The following ARHGAP42 variants were observed in gnomAD, a reference collection of about 807,000 sequenced individuals.
ARHGAP42 encodes Rho GTPase activating protein 42.
A neutral mutation model predicts 125.0 loss-of-function variants in ARHGAP42; 63 were observed. The observed-to-expected ratio is 0.50, with a 90% CI of 0.41 to 0.62. The LOEUF (loss-of-function observed/expected upper bound fraction) is 0.62, where lower values mean the gene tolerates loss of function less well. Ranked by LOEUF, ARHGAP42 falls within the 20% of genes least tolerant of loss-of-function variation. The pLI is 0.00. For missense variants in ARHGAP42, 766 were observed against 1,024.2 expected (o/e 0.75, Z 3.44); for synonymous variants, 339 against 351.0 (o/e 0.97, Z 0.38).
chr11:100,763,852 T>A (rs1296138509), intron 1 of ARHGAP42, among the ~76,000 whole-genome samples: 2 of 152,194 alleles, frequency 1.3e-5, no homozygotes, highest in Non-Finnish European at 2.9e-5. Flanking sequence ...GGTAGATTAT[T>A]CCATGTTCAG....
At chr11:100,804,268 G>T (rs553124129) in intron 3 of ARHGAP42, among the ~76,000 whole-genome samples, 1 of 152,150 alleles carries the variant, frequency 6.6e-6, no homozygotes, top group South Asian at 2.1e-4. Flanking sequence ...AGGATTGCAG[G>T]CATGAGCCAC....
intron 3 of ARHGAP42, among the ~76,000 whole-genome samples, chr11:100,844,602 GA>G (rs556144317): frequency 1.3e-4 from 19 of 146,192 alleles, no homozygotes; most frequent in Admixed American, 2.7e-4. Flanking sequence ...AAATCAACAA[GA>G]AAAAAAAAAT....
intron 2 of ARHGAP42, among the ~76,000 whole-genome samples, chr11:100,779,950 T>C (rs1044926806): frequency 7.9e-5 from 12 of 151,834 alleles, no homozygotes; most frequent in Non-Finnish European, 1.2e-4. Flanking sequence ...TGCTTGAACC[T>C]GGGAGTCAGA....
At chr11:100,956,074 G>A (rs1041231112) in intron 12 of ARHGAP42, among the ~76,000 whole-genome samples, 2 of 152,108 alleles carry the variant, frequency 1.3e-5, no homozygotes, top group Non-Finnish European at 2.9e-5. Flanking sequence ...AAGTGAAGGC[G>A]CTGTCTATAG....
At chr11:100,766,659 G>A (rs1331410170) in intron 1 of ARHGAP42, among the ~76,000 whole-genome samples, 4 of 152,148 alleles carry the variant, frequency 2.6e-5, no homozygotes, top group Non-Finnish European at 2.9e-5. Context: ...AAGATTAAAA[G>A]CATGAGCTGG....
At chr11:100,808,612 A>C in intron 3 of ARHGAP42, among the ~76,000 whole-genome samples, 1 of 150,850 alleles carries the variant, frequency 6.6e-6, no homozygotes, top group East Asian at 2.0e-4. Context: ...TCACCTTGTT[A>C]GCCAGGATGG....
rs192086876 is a variant in ARHGAP42 at position 100,878,405 on chromosome 11, C to T, written c.384+18780C>T. Reference sequence around the variant, plus strand: ...CCTCTCTGCCGAGTCACCCATTCTCCATGCGGTAGTAGGAGGGAATAGGTC... The same window carrying T: ...CCTCTCTGCCGAGTCACCCATTCTCTATGCGGTAGTAGGAGGGAATAGGTC... On this transcript the variant is annotated intron_variant, in intron 4 of 23. Transcript: ENST00000298815. 1.4e-3 allele frequency among the ~76,000 whole-genome samples: 213 copies of T among 152,278 alleles called. 3 individuals are homozygous for T. The highest frequency in any genetic ancestry group is 3.9e-3 in the African/African-American group (161 of 41,572).
rs989889722 is a variant in ARHGAP42 at position 100,961,623 on chromosome 11, A to G, written c.1301-61A>G. 9 of 1,441,676 alleles carry G rather than the reference A, an allele frequency of 6.2e-6. No individual in the cohort carries two copies. The African/African-American group carries it at 8.6e-5, about 14-fold the overall frequency. 89.3% of individuals were successfully genotyped at this position (1,441,676 alleles called of 1,614,324 possible). A position where few individuals can be genotyped will look rare whatever the true frequency, so the allele number is the denominator to read the frequency against. On this transcript the variant is annotated intron_variant, in intron 14 of 23. Transcript: ENST00000298815. ...CTACTTACGTTTGTGCCCATTTTTC[A>G]TAATTGCATAAGAAATATTTTGAAC... is the stretch of plus-strand genomic sequence containing the variant.
intron 3 of ARHGAP42, among the ~76,000 whole-genome samples, chr11:100,813,684 T>G (rs1406519120): frequency 6.6e-6 from 1 of 152,132 alleles, no homozygotes; most frequent in Non-Finnish European, 1.5e-5. Context: ...TCTCAGAAAT[T>G]TTTTGCTCTT....
intron 3 of ARHGAP42, among the ~76,000 whole-genome samples, chr11:100,805,105 A>C (rs1378936687): frequency 1.3e-5 from 2 of 152,254 alleles, no homozygotes; most frequent in Non-Finnish European, 2.9e-5. Context: ...AGCAGTCTTC[A>C]GAAGTGTATG....
At position 100,687,726 on chromosome 11, in the gene ARHGAP42, A is replaced by G. The variant is rs1195207222; in HGVS notation, c.48A>G (p.Pro16=). 5.8e-6 allele frequency: 9 copies of G among 1,549,810 alleles called. No homozygotes were observed. The African/African-American group carries it at 6.8e-5, about 12-fold the overall frequency. Reference sequence around the variant, plus strand: ...TCAGCGATTCCTACTTGGACAGCCCAGATTTCAGGGAGCGCTTGCAGTGTC... The same window carrying G: ...TCAGCGATTCCTACTTGGACAGCCCGGATTTCAGGGAGCGCTTGCAGTGTC... ...LEFSDSYLDS[P]DFRERLQCHE... is the part of the protein sequence containing the mutation. The change falls in exon 1 of 24, where the codon CCA becomes CCG. Residue 16 remains proline (P), a synonymous_variant. Transcript: ENST00000298815.
chr11:100,786,519 C>CAT (rs1225342041), intron 2 of ARHGAP42, among the ~76,000 whole-genome samples: 4 of 151,918 alleles, frequency 2.6e-5, no homozygotes, highest in South Asian at 4.2e-4. Context: ...ATACACTTAC[C>CAT]ATATATATAT....
chr11:100,843,588 A>G (rs1197249899), intron 3 of ARHGAP42, among the ~76,000 whole-genome samples: 1 of 152,134 alleles, frequency 6.6e-6, no homozygotes, highest in Admixed American at 6.6e-5. Context: ...TAGAACTGAT[A>G]AAAGAATTCA....
chr11:100,725,933 T>TAAAAAA (rs1436033446), intron 1 of ARHGAP42, among the ~76,000 whole-genome samples: 5 of 42,084 alleles, frequency 1.2e-4, no homozygotes, highest in East Asian at 6.5e-4. Flanking sequence ...AGACTCCGTC[T>TAAAAAA]CAAAAAAAAA....
chr11:100,854,720 A>C (rs907958827), intron 3 of ARHGAP42, among the ~76,000 whole-genome samples: 3 of 152,134 alleles, frequency 2.0e-5, no homozygotes. Context: ...TAAATTGGCC[A>C]GTACCAGGGA....
At position 100,857,059 on chromosome 11, in the gene ARHGAP42, G is replaced by A. The variant is rs1357105947; in HGVS notation, c.313-2495G>A. On this transcript the variant is annotated intron_variant, in intron 3 of 23. Transcript: ENST00000298815. Reference sequence around the variant, plus strand: ...ATATTGACTTTGATCTCTATATTGTGAAGACCTTAATGTAGTATTTGACGC... The same window carrying A: ...ATATTGACTTTGATCTCTATATTGTAAAGACCTTAATGTAGTATTTGACGC... 2.0e-5 allele frequency among the ~76,000 whole-genome samples: 3 copies of A among 152,084 alleles called. No individual in the cohort carries two copies. In the East Asian group the frequency reaches 5.8e-4, roughly 29 times the overall value.
At chr11:100,729,438 G>A (rs1055064733) in intron 1 of ARHGAP42, among the ~76,000 whole-genome samples, 3 of 152,140 alleles carry the variant, frequency 2.0e-5, no homozygotes, top group African/African-American at 4.8e-5. Context: ...TTATGCTTCT[G>A]TTGTGAATTT....
At chr11:100,941,600 T>A (rs1565286553) in intron 8 of ARHGAP42, among the ~76,000 whole-genome samples, 184 bp from the exon 9 acceptor site, 1 of 33,006 alleles carries the variant, frequency 3.0e-5, no homozygotes, top group Non-Finnish European at 5.9e-5. Flanking sequence ...CCACGTTGTC[T>A]GATTCTAAGA....
At chr11:100,800,608 G>A (rs1034715285) in intron 3 of ARHGAP42, among the ~76,000 whole-genome samples, 1 of 152,126 alleles carries the variant, frequency 6.6e-6, no homozygotes, top group African/African-American at 2.4e-5. Flanking sequence ...AGGAAGATCC[G>A]ACCACCCATT....
Sources: allele counts gnomAD v4.1 joint callset (sites outside exome capture counted in the v4.1 genomes callset), GRCh38; gene constraint gnomAD v4.1.1; transcripts MANE v1.5; gene names NCBI Gene and HGNC (gene_info 2026-07-23, HGNC 2026-07-21).